Variants in CEP290 observed in about 807,000 individuals in gnomAD.
CEP290 encodes the protein centrosomal protein of 290 kDa.
A neutral mutation model predicts 344.9 loss-of-function variants in CEP290; 317 were observed. That is an observed-to-expected ratio of 0.92 (90% CI 0.84 to 1.01). The LOEUF (loss-of-function observed/expected upper bound fraction) is 1.01. Ranked by LOEUF, CEP290 falls within the 50% of genes least tolerant of loss-of-function variation. The pLI, the probability that CEP290 is intolerant of heterozygous loss-of-function variation, is 0.00. For synonymous variants in CEP290, 932 were observed against 895.8 expected (o/e 1.04, Z -0.72); for missense variants, 2,754 against 2,761.4 (o/e 1.00, Z 0.06).
In CEP290 at chr12:88,070,163, G is replaced by A. The variant is rs78982077; in HGVS notation, c.6011+1131C>T. Among the ~76,000 whole-genome samples, 155 of 152,264 alleles carry A rather than the reference G, an allele frequency of 1.0e-3. 4 individuals carry two copies. In the East Asian group the frequency reaches 0.023, roughly 23 times the overall value. ...GGGGTGATGCAGGGCAAGGGCATCT[G>A]GTTCCAGGTACAATGGAGTAAATAC... On this transcript the variant is annotated intron_variant, in intron 43 of 53. Transcript: ENST00000552810.
Position 88,139,528 on chromosome 12 carries a change from C to G in CEP290, c.217G>C (p.Val73Leu). The G allele has an allele frequency of 6.3e-7, 1 of 1,596,080 alleles. No individual in the cohort carries two copies. Among genetic ancestry groups the G allele is most frequent in the Non-Finnish European group, 8.5e-7 (1 of 1,172,500 alleles). The change falls in exon 4 of 54, where the codon GTA becomes CTA. Residue 73 changes from valine to leucine, a missense_variant. Transcript: ENST00000552810. ...AQEVELALEE[V>L]EKAGEEQAKF... ...GCTTGTTCTTCTCCAGCTTTTTCTA[C>G]TTCTTCCAAAGCCAGCTCCACTTCT...
At chr12:88,052,786 C>A (rs1394508775) in intron 52 of CEP290, among the ~76,000 whole-genome samples, 2 of 152,160 alleles carry the variant, frequency 1.3e-5, no homozygotes, top group African/African-American at 4.8e-5. Context: ...TTACATGACT[C>A]TCCTAAGGCT....
At chr12:88,054,289 A>T (rs1323403840) in intron 51 of CEP290, 51 bp downstream of exon 51, 1 of 1,162,100 alleles carries the variant, frequency 8.6e-7, no homozygotes. Context: ...AAAACTAATA[A>T]TTTTTTTTTT....
At chr12:88,071,476 A>C (rs1341211949) in intron 42 of CEP290, 27 bp from the exon 43 acceptor site, 3 of 1,568,270 alleles carry the variant, frequency 1.9e-6, no homozygotes, top group Non-Finnish European at 2.6e-6. Flanking sequence ...AGAATCATGA[A>C]ATATACCATT....
At chr12:88,102,015 G>A (rs1265485620) in intron 26 of CEP290, among the ~76,000 whole-genome samples, 1 of 152,102 alleles carries the variant, frequency 6.6e-6, no homozygotes, top group Non-Finnish European at 1.5e-5. Flanking sequence ...GTCTCTATGA[G>A]CCAGCAAAAG....
intron 27 of CEP290, among the ~76,000 whole-genome samples, chr12:88,094,359 T>C (rs2037276124): frequency 6.6e-6 from 1 of 152,098 alleles, no homozygotes; most frequent in Non-Finnish European, 1.5e-5. Context: ...GCAATGTGAC[T>C]TTGTGAATAT....
chr12:88,070,729 C>T (rs1220517943), intron 43 of CEP290, among the ~76,000 whole-genome samples: 1 of 151,928 alleles, frequency 6.6e-6, no homozygotes, highest in African/African-American at 2.4e-5. Flanking sequence ...TAACTAAAGC[C>T]CCAAATGGAA....
chr12:88,078,912 A>G (rs1226401430), intron 39 of CEP290, among the ~76,000 whole-genome samples, 180 bp downstream of exon 39: 1 of 152,216 alleles, frequency 6.6e-6, no homozygotes, highest in Non-Finnish European at 1.5e-5. Flanking sequence ...GATGATAATC[A>G]GTAAATGAGT....
intron 15 of CEP290, among the ~76,000 whole-genome samples, 189 bp downstream of exon 15, chr12:88,119,925 C>G (rs1435195882): frequency 6.6e-6 from 1 of 152,072 alleles, no homozygotes. Flanking sequence ...CCACCCACCA[C>G]TCCAACCCCA....
At chr12:88,133,488 C>T (rs2040196637) in intron 6 of CEP290, among the ~76,000 whole-genome samples, 2 of 152,058 alleles carry the variant, frequency 1.3e-5, no homozygotes, top group Admixed American at 1.3e-4. Flanking sequence ...GATTCCATGT[C>T]TTTGCTATTG....
In CEP290 at chr12:88,090,817, C is replaced by A; in HGVS notation, c.3484G>T (p.Ala1162Ser). 6.4e-7 allele frequency: 1 copy of A among 1,556,006 alleles called. No individual in the cohort carries two copies. The highest frequency in any genetic ancestry group is 8.7e-7 in the Non-Finnish European group (1 of 1,147,768). Residue 1162 changes from alanine to serine, a missense_variant, in exon 30 of 54, where the codon GCC becomes TCC. By Grantham distance (99) the Ala-to-Ser change is moderately conservative. Coordinates refer to ENST00000552810, the MANE Select transcript of CEP290 (RefSeq NM_025114.4). ...VSKLREISDI[A>S]RRQVEILNAQ... ...TTCAAAATTTCAACTTGTCTTCTGG[C>A]AATATCAGAAATCTCTCTCAGTCTA...
Position 88,058,934 on chromosome 12 carries a change from A to C in CEP290, c.6732T>G (p.Thr2244=). ...TTTCTGCAAACTGCAATCTCTTACC[A>C]GTCTCTTCTAGTTGAACTGTCATCT... is the stretch of plus-strand genomic sequence containing the variant. ...NEKMTVQLEE[T]GKRLQFAESR... is the part of the protein sequence containing the mutation. The change falls in exon 49 of 54, where the codon ACT becomes ACG. Residue 2244 remains threonine, a synonymous_variant. Coordinates refer to ENST00000552810, the MANE Select transcript of CEP290 (RefSeq NM_025114.4). The C allele has an allele frequency of 6.2e-6, 10 of 1,613,832 alleles. No individual in the cohort carries two copies. The highest frequency in any genetic ancestry group is 8.5e-6 in the Non-Finnish European group (10 of 1,179,794).
At chr12:88,052,645 G>A (rs2468241) in intron 52 of CEP290, among the ~76,000 whole-genome samples, 118,770 of 151,608 alleles carry the variant, frequency 0.78, 50,422 homozygotes, top group East Asian at 0.96. Context: ...ATACATACAC[G>A]CATATATATA....
chr12:88,116,017 T>C (rs1592624641), intron 18 of CEP290: 1 of 985,408 alleles, frequency 1.0e-6, no homozygotes, highest in Non-Finnish European at 1.2e-6. Flanking sequence ...GATTTATCCA[T>C]GTCAGCTCTA....
At position 88,058,843 on chromosome 12, in the gene CEP290, C is replaced by T. The variant is rs935214183; in HGVS notation, c.6818+5G>A. ...CTTTGTACAAGTTTAAAACTCTGTT[C>T]CTACCTTGTAACCACAATGGATTTC... On this transcript the variant is annotated splice_donor_5th_base_variant and intron_variant, in intron 49 of 53. Coordinates refer to ENST00000552810, the MANE Select transcript of CEP290 (RefSeq NM_025114.4). 2.4e-5 allele frequency: 39 copies of T among 1,612,900 alleles called. No individual in the cohort carries two copies. Among genetic ancestry groups the T allele is most frequent in the Middle Eastern group, 1.6e-4 (1 of 6,084 alleles).
At chr12:88,128,619 T>A (rs1320076170) in intron 11 of CEP290, among the ~76,000 whole-genome samples, 1 of 152,118 alleles carries the variant, frequency 6.6e-6, no homozygotes, top group African/African-American at 2.4e-5. Flanking sequence ...CTAATGTATA[T>A]AAGGTAACTA....
intron 5 of CEP290, 48 bp from the exon 6 acceptor site, chr12:88,136,834 G>T (rs2040379412): frequency 6.5e-7 from 1 of 1,536,240 alleles, no homozygotes; most frequent in South Asian, 1.1e-5. Flanking sequence ...TATATTTTGA[G>T]GTTCAAATGA....
At chr12:88,082,189 C>T (rs553287002) in intron 37 of CEP290, among the ~76,000 whole-genome samples, 5 of 152,200 alleles carry the variant, frequency 3.3e-5, no homozygotes, top group African/African-American at 9.6e-5. Context: ...AACTATAAAC[C>T]TATTTTGAGT....
intron 7 of CEP290, 47 bp from the exon 8 acceptor site, chr12:88,130,612 T>C (rs1156836281): frequency 3.4e-6 from 5 of 1,471,472 alleles, no homozygotes; most frequent in African/African-American, 1.4e-5. Context: ...AGAAAGGTAA[T>C]ACATAATTAA....
Sources: allele counts gnomAD v4.1 joint callset (sites outside exome capture counted in the v4.1 genomes callset), GRCh38; gene constraint gnomAD v4.1.1; transcripts MANE v1.5; gene names NCBI Gene and HGNC (gene_info 2026-07-23, HGNC 2026-07-21).